Variants in HECW1 observed in about 807,000 individuals in gnomAD.
HECW1 encodes the protein E3 ubiquitin-protein ligase HECW1.
Under a neutral mutation model 182.3 loss-of-function variants are expected in HECW1, and 61 were observed. That is an observed-to-expected ratio of 0.33 (90% CI 0.27 to 0.41). The LOEUF is 0.41. Among genes scored for constraint, HECW1 ranks in the 10% least tolerant of loss-of-function variants. The pLI, the probability that HECW1 is intolerant of heterozygous loss-of-function variation, is 1.00. For missense variants in HECW1, 1,739 were observed against 2,108.9 expected (o/e 0.82, Z 3.44); for synonymous variants, 859 against 832.6 (o/e 1.03, Z -0.55).
chr7:43,325,715 A>C (rs1389511953), intron 5 of HECW1, among the ~76,000 whole-genome samples: 1 of 152,040 alleles, frequency 6.6e-6, no homozygotes, highest in Non-Finnish European at 1.5e-5. Context: ...GCCTTGCCCT[A>C]GTGTCCTGCC....
chr7:43,315,476 TATTATTATTATTATTATC>T (rs1809112272), intron 4 of HECW1, among the ~76,000 whole-genome samples: 1 of 150,240 alleles, frequency 6.7e-6, no homozygotes, highest in South Asian at 2.1e-4. Context: ...TTATTATTAT[TATTATTATTATTATTATC>T]ATTATTACTA....
In HECW1 at chr7:43,258,089, C is replaced by G. The variant is rs533723874; in HGVS notation, c.27+14157C>G. On this transcript the variant is annotated intron_variant, in intron 3 of 29. Coordinates refer to ENST00000395891, the MANE Select transcript of HECW1 (RefSeq NM_015052.5). ...GCGTGGTGGCTCACGCCTGTAATCT[C>G]AGCACTGTGGGAGGCCAAGGCAGGT... Among the ~76,000 whole-genome samples the G allele has an allele frequency of 1.3e-3, 192 of 152,250 alleles. 1 individual carries two copies. The highest frequency in any genetic ancestry group is 4.6e-3 in the African/African-American group (190 of 41,552).
intron 5 of HECW1, among the ~76,000 whole-genome samples, chr7:43,348,668 G>A (rs576744259): frequency 4.7e-4 from 72 of 152,190 alleles, no homozygotes; most frequent in Non-Finnish European, 9.0e-4. Flanking sequence ...TTTCCTCTTA[G>A]CACCACCTTT....
chr7:43,150,525 C>T (rs1025026272), intron 2 of HECW1, among the ~76,000 whole-genome samples: 2 of 152,084 alleles, frequency 1.3e-5, no homozygotes, highest in African/African-American at 2.4e-5. Flanking sequence ...ATTATAGGCA[C>T]CTGCCATCAT....
chr7:43,546,616 CAAAA>C (rs3037095), intron 26 of HECW1, among the ~76,000 whole-genome samples: 2 of 136,450 alleles, frequency 1.5e-5, no homozygotes, highest in African/African-American at 2.8e-5. Flanking sequence ...TGTCCAATAT[CAAAA>C]AAAAAAAAAC....
intron 24 of HECW1, among the ~76,000 whole-genome samples, chr7:43,521,795 G>T (rs1416797428): frequency 1.3e-5 from 2 of 152,208 alleles, no homozygotes; most frequent in African/African-American, 4.8e-5. Context: ...AGAATCGCTT[G>T]AACCTGGGAG....
chr7:43,476,134 G>A (rs6973216), intron 16 of HECW1, among the ~76,000 whole-genome samples: 4,992 of 152,196 alleles, frequency 0.033, 279 homozygotes, highest in African/African-American at 0.11. Flanking sequence ...AAAAATCCAA[G>A]AGGATATACT....
chr7:43,205,316 G>A lies in HECW1; in HGVS notation c.-31-38559G>A, dbSNP rs139742576. On this transcript the variant is annotated intron_variant, in intron 2 of 29. Transcript: ENST00000395891. The stretch of plus-strand genomic sequence containing the variant: ...GCCAGGCTGGTCTCAAACTCCTGAC[G>A]TCATGATCGGCCCGCCTTGGCCTCC... Among the ~76,000 whole-genome samples the A allele has an allele frequency of 1.5e-3, 222 of 152,172 alleles. 1 individual carries two copies. The highest frequency in any genetic ancestry group is 4.2e-3 in the African/African-American group (176 of 41,522).
chr7:43,492,224 A>T (rs758507668), intron 18 of HECW1, 44 bp downstream of exon 18: 6 of 1,327,958 alleles, frequency 4.5e-6, no homozygotes, highest in Middle Eastern at 1.8e-4. Context: ...AAGAATAGCA[A>T]CACCTAGACT....
intron 16 of HECW1, among the ~76,000 whole-genome samples, chr7:43,477,216 G>A (rs1027982469): frequency 6.6e-6 from 1 of 152,058 alleles, no homozygotes; most frequent in African/African-American, 2.4e-5. Flanking sequence ...ATGAACTAAT[G>A]GTAACATGAT....
At chr7:43,161,312 T>C (rs1388086948) in intron 2 of HECW1, among the ~76,000 whole-genome samples, 3 of 152,164 alleles carry the variant, frequency 2.0e-5, no homozygotes, top group Non-Finnish European at 2.9e-5. Context: ...TTCCTATTGG[T>C]AATGTTTTAG....
intron 2 of HECW1, among the ~76,000 whole-genome samples, chr7:43,188,896 G>A (rs1278598331): frequency 1.3e-5 from 2 of 152,248 alleles, no homozygotes; most frequent in African/African-American, 2.4e-5. Context: ...AAAAGTCATC[G>A]GGGAATATCA....
At chr7:43,320,827 C>A in intron 5 of HECW1, 85 bp downstream of exon 5, 1 of 983,064 alleles carries the variant, frequency 1.0e-6, no homozygotes, top group Non-Finnish European at 1.6e-6. Context: ...CGTTGCACTG[C>A]CTCCACTAAG....
At chr7:43,146,211 T>C (rs552717417) in intron 2 of HECW1, among the ~76,000 whole-genome samples, 12 of 152,362 alleles carry the variant, frequency 7.9e-5, no homozygotes, top group African/African-American at 1.9e-4. Flanking sequence ...TTTCTCCACC[T>C]TGGCACTATT....
chr7:43,486,634 A>C (rs1269637751), intron 17 of HECW1, among the ~76,000 whole-genome samples: 1 of 152,190 alleles, frequency 6.6e-6, no homozygotes, highest in Non-Finnish European at 1.5e-5. Flanking sequence ...TACACCTGAC[A>C]TTGTGACAGC....
At chr7:43,136,172 G>T (rs78617130) in intron 2 of HECW1, among the ~76,000 whole-genome samples, 1,706 of 152,044 alleles carry the variant, frequency 0.011, 32 homozygotes, top group African/African-American at 0.039. Flanking sequence ...TGTGGGTTCT[G>T]CCTGAATCAG....
intron 26 of HECW1, among the ~76,000 whole-genome samples, chr7:43,549,095 C>T (rs1037159940): frequency 5.3e-5 from 8 of 152,266 alleles, no homozygotes; most frequent in South Asian, 4.2e-4. Context: ...TCAGTGCAGC[C>T]GGACAAAGGA....
At chr7:43,340,011 G>T (rs771446140) in intron 5 of HECW1, among the ~76,000 whole-genome samples, 1 of 151,758 alleles carries the variant, frequency 6.6e-6, no homozygotes, top group Non-Finnish European at 1.5e-5. Flanking sequence ...TGTAACTCTC[G>T]CCCCATCTAG....
intron 2 of HECW1, among the ~76,000 whole-genome samples, chr7:43,168,668 TAATAAG>T (rs924133779): frequency 6.6e-6 from 1 of 151,830 alleles, no homozygotes; most frequent in Non-Finnish European, 1.5e-5. Context: ...TCCAAAATAA[TAATAAG>T]AATAATAATA....
Sources: gnomAD v4.1 joint callset for allele counts (sites outside exome capture counted in the v4.1 genomes callset) on GRCh38, gnomAD v4.1.1 for gene constraint, MANE v1.5 for transcripts, NCBI Gene and HGNC (gene_info 2026-07-23, HGNC 2026-07-21) for gene names.